ABHD4: variants seen among roughly 807,000 people sequenced by gnomAD.
ABHD4 encodes the protein (Lyso)-N-acylphosphatidylethanolamine lipase.
Under a neutral mutation model 42.3 loss-of-function variants are expected in ABHD4, and 35 were observed. The observed-to-expected ratio is 0.83, with a 90% CI of 0.63 to 1.10. ABHD4 has a LOEUF of 1.10. ABHD4 is among the 50% of genes least tolerant of loss of function. The pLI is 0.00. For missense variants in ABHD4, 389 were observed against 454.8 expected (o/e 0.86, Z 1.32); for synonymous variants, 169 against 170.6 (o/e 0.99, Z 0.07).
At position 22,611,048 on chromosome 14, in the gene ABHD4, G is replaced by A. The variant is rs576692540; in HGVS notation, c.*100G>A. The A allele has an allele frequency of 9.8e-7, 1 of 1,023,182 alleles. No homozygotes were observed. Among genetic ancestry groups the A allele is most frequent in the African/African-American group, 1.6e-5 (1 of 63,490 alleles). The allele number at this position is 1,023,182 out of a possible 1,614,324, so 63.4% of individuals were successfully genotyped here. A position where few individuals can be genotyped will look rare whatever the true frequency, so the allele number is the denominator to read the frequency against. On this transcript the variant is annotated 3_prime_UTR_variant, in exon 7 of 7. Coordinates refer to ENST00000428304, the MANE Select transcript of ABHD4 (RefSeq NM_022060.3). The stretch of plus-strand genomic sequence containing the variant: ...GTCCTTTCCTCACCAACTAACATGT[G>A]CCAGCCAGGCAGAGTCTTGTGCTGT...
chr14:22,604,103 T>C (rs1338402056), intron 4 of ABHD4, 24 bp downstream of exon 4: 1 of 1,612,620 alleles, frequency 6.2e-7, no homozygotes, highest in South Asian at 1.1e-5. Flanking sequence ...AGTATCTCCT[T>C]AAAGGAAGGC....
rs1191714889 is a variant in ABHD4 at position 22,609,736 on chromosome 14, A to C, written c.765A>C (p.Ala255=). ...TTGCTTTTGACAGTGGTGAGACAGCATTCAAAGCCATGATGGAGTCCTTTG... is the reference window on the plus strand; with the variant it reads ...TTGCTTTTGACAGTGGTGAGACAGCCTTCAAAGCCATGATGGAGTCCTTTG... The part of the protein sequence containing the change: ...CNAQNPSGET[A]FKAMMESFGW... Residue 255 remains alanine, a synonymous_variant, in exon 6 of 7, where the codon GCA becomes GCC. Coordinates refer to ENST00000428304, the MANE Select transcript of ABHD4 (RefSeq NM_022060.3). 28 of 1,613,822 alleles carry C rather than the reference A, an allele frequency of 1.7e-5. No homozygotes were observed. The highest frequency in any genetic ancestry group is 2.4e-5 in the Non-Finnish European group (28 of 1,179,988).
chr14:22,608,532 C>T (rs1040546126), intron 5 of ABHD4, among the ~76,000 whole-genome samples: 4 of 152,228 alleles, frequency 2.6e-5, no homozygotes, highest in Admixed American at 1.3e-4. Flanking sequence ...ATTCCAGAGT[C>T]TTCTCAGGAA....
In ABHD4 at chr14:22,601,675, G is replaced by C. The variant is rs1271265653; in HGVS notation, c.32G>C (p.Gly11Ala). The C allele has an allele frequency of 1.9e-6, 3 of 1,614,118 alleles. No homozygotes were observed. Among genetic ancestry groups the C allele is most frequent in the Non-Finnish European group, 2.5e-6 (3 of 1,179,988 alleles). Reference sequence around the variant, plus strand: ...CTGTCTCCTCCTCCCAGGTCTCAAGGCTGGCTGAGTAGCTGGCTGCCCACG... The same window carrying C: ...CTGTCTCCTCCTCCCAGGTCTCAAGCCTGGCTGAGTAGCTGGCTGCCCACG... MADDLEQQSQ[G>A]WLSSWLPTWR... The change falls in exon 2 of 7, where the codon GGC becomes GCC. Residue 11 changes from glycine (G) to alanine (A), a missense_variant. This residue lies in a region of ABHD4 where 102 missense variants were observed against 128.3 expected (regional missense o/e 0.80). Coordinates refer to ENST00000428304, the MANE Select transcript of ABHD4 (RefSeq NM_022060.3).
intron 6 of ABHD4, among the ~76,000 whole-genome samples, chr14:22,610,635 C>T (rs903363112): frequency 2.2e-4 from 33 of 152,174 alleles, no homozygotes; most frequent in Admixed American, 5.2e-4. Flanking sequence ...GTGGGGCTAA[C>T]ACAGAAGGAA....
chr14:22,610,245 C>T (rs771124838), intron 6 of ABHD4, among the ~76,000 whole-genome samples: 88 of 152,170 alleles, frequency 5.8e-4, no homozygotes, highest in Middle Eastern at 3.4e-3. Context: ...TTAGTAGAGA[C>T]GAGGTTTCTC....
At chr14:22,607,863 C>T (rs747742538) in intron 5 of ABHD4, among the ~76,000 whole-genome samples, 43 of 152,200 alleles carry the variant, frequency 2.8e-4, no homozygotes, top group Admixed American at 1.3e-4. Flanking sequence ...CCAGCTCCCT[C>T]ACCCCCAAAC....
intron 6 of ABHD4, among the ~76,000 whole-genome samples, 175 bp from the exon 7 acceptor site, chr14:22,610,684 A>C (rs978281817): frequency 6.6e-6 from 1 of 152,248 alleles, no homozygotes; most frequent in African/African-American, 2.4e-5. Flanking sequence ...AGAATGGGAA[A>C]GCATTGGCTG....
At chr14:22,610,011 G>A in intron 6 of ABHD4, 101 bp downstream of exon 6, 1 of 1,105,394 alleles carries the variant, frequency 9.0e-7, no homozygotes, top group South Asian at 1.5e-5. Context: ...GGAATGGACA[G>A]ACTGAGATAG....
rs2139269681 is a variant in ABHD4, at chr14:22,606,520, G to A, written c.739G>A (p.Ala247Thr). 1.2e-6 allele frequency: 2 copies of A among 1,611,906 alleles called. No individual in the cohort carries two copies. The highest frequency in any genetic ancestry group is 1.7e-6 in the Non-Finnish European group (2 of 1,178,838). The change falls in exon 5 of 7, where the codon GCA (alanine) becomes ACA (threonine). Residue 247 changes from alanine to threonine, a missense_variant. Around this residue, in one of 3 missense-constraint regions of ABHD4, gnomAD observed 249 missense variants for 254.4 expected, o/e 0.98. Transcript: ENST00000428304. ...ATCAGAGTATATTTACCACTGCAAC[G>A]CACAGAATCCCAGGTGAGGGCCGCT... ...TISEYIYHCN[A>T]QNPSGETAFK... is the part of the protein sequence containing the mutation.
intron 4 of ABHD4, among the ~76,000 whole-genome samples, chr14:22,605,175 G>A (rs2037335010): frequency 6.6e-6 from 1 of 152,194 alleles, no homozygotes; most frequent in African/African-American, 2.4e-5. Context: ...ACCATGGGGA[G>A]CTAGCCATAA....
Position 22,603,711 on chromosome 14 carries a change from A to G in ABHD4, c.434A>G (p.His145Arg). The change falls in exon 3 of 7, where the codon CAC (histidine) becomes CGC (arginine). Residue 145 changes from histidine (H) to arginine (R), a missense_variant. By Grantham distance (29) the His-to-Arg change is conservative. Around this residue, in one of 3 missense-constraint regions of ABHD4, gnomAD observed 38 missense variants for 72.1 expected, o/e 0.53. Transcript: ENST00000428304. ...MGIPSMILLG[H>R]SLGGFLATSY... is the part of the protein sequence containing the mutation. Reference sequence around the variant, plus strand: ...ATCCCCAGCATGATCCTCCTGGGGCACAGTTTGGGAGGATTCCTGGCCACT... The same window carrying G: ...ATCCCCAGCATGATCCTCCTGGGGCGCAGTTTGGGAGGATTCCTGGCCACT... The G allele has an allele frequency of 6.2e-7, 1 of 1,604,634 alleles. No homozygotes were observed. The highest frequency in any genetic ancestry group is 8.5e-7 in the Non-Finnish European group (1 of 1,174,640).
chr14:22,601,892 T>G (rs911590782), intron 2 of ABHD4, 137 bp downstream of exon 2: 41 of 733,536 alleles, frequency 5.6e-5, no homozygotes, highest in Non-Finnish European at 8.7e-5. Context: ...GGATGTCAGT[T>G]GTGTGAGGGA....
At chr14:22,601,780 C>A in intron 2 of ABHD4, 25 bp downstream of exon 2, 1 of 1,594,996 alleles carries the variant, frequency 6.3e-7, no homozygotes, top group Non-Finnish European at 8.6e-7. Flanking sequence ...CAGCTTGTCC[C>A]ACCTCCCTCA....
At chr14:22,610,486 C>T (rs2139274559) in intron 6 of ABHD4, among the ~76,000 whole-genome samples, 1 of 152,288 alleles carries the variant, frequency 6.6e-6, no homozygotes, top group South Asian at 2.1e-4. Context: ...TAGAGGCTGC[C>T]ATGAAGCTTC....
At position 22,609,906 on chromosome 14, in the gene ABHD4, A is replaced by T; in HGVS notation, c.935A>T (p.Asp312Val). Residue 312 changes from aspartate (D) to valine (V), a missense_variant, in exon 6 of 7, where the codon GAC becomes GTC. This residue lies in a region of ABHD4 where 249 missense variants were observed against 254.4 expected (regional missense o/e 0.98). Coordinates refer to ENST00000428304, the MANE Select transcript of ABHD4 (RefSeq NM_022060.3). ...CAGCGGCCGGATTCCTATGTCCGAGACATGGTATGTTGCACCACCCAAGGA... is the reference window on the plus strand; with the variant it reads ...CAGCGGCCGGATTCCTATGTCCGAGTCATGGTATGTTGCACCACCCAAGGA... ...KMQRPDSYVR[D>V]MEIKGASHHV... 4 of 1,613,856 alleles carry T rather than the reference A, an allele frequency of 2.5e-6. No individual in the cohort carries two copies. The highest frequency in any genetic ancestry group is 3.4e-6 in the Non-Finnish European group (4 of 1,179,936).
At chr14:22,599,758 A>G (rs2037260970) in intron 1 of ABHD4, among the ~76,000 whole-genome samples, 1 of 152,190 alleles carries the variant, frequency 6.6e-6, no homozygotes, top group African/African-American at 2.4e-5. Context: ...ATTTAGAGAG[A>G]AAATTTGTCT....
intron 4 of ABHD4, among the ~76,000 whole-genome samples, chr14:22,604,854 T>C (rs1382928551): frequency 3.3e-5 from 5 of 149,692 alleles, no homozygotes; most frequent in African/African-American, 1.2e-4. Context: ...TAGTGATCCA[T>C]CCGCATCAGC....
chr14:22,604,748 T>G lies in ABHD4; in HGVS notation c.640+669T>G, dbSNP rs192058431. Among the ~76,000 whole-genome samples, 13 of 152,102 alleles carry G rather than the reference T, an allele frequency of 8.5e-5. No individual in the cohort carries two copies. In the East Asian group the frequency reaches 2.5e-3, roughly 29 times the overall value. ...CCTGAGCCTCCTGAGTAGCTGGGAC[T>G]GCAGGTGTACCCCACCACACCTGGC... On this transcript the variant is annotated intron_variant, in intron 4 of 6. Transcript: ENST00000428304.
Sources: allele counts gnomAD v4.1 joint callset (sites outside exome capture counted in the v4.1 genomes callset), GRCh38; gene constraint gnomAD v4.1.1; regional missense constraint gnomAD v4.1.1; transcripts MANE v1.5; gene names NCBI Gene and HGNC (gene_info 2026-07-23, HGNC 2026-07-21).